GAD2: variants seen among roughly 807,000 people sequenced by gnomAD.
The protein encoded by GAD2 is glutamate decarboxylase 2.
GAD2 carries 22 observed loss-of-function variants against 80.1 expected under a neutral mutation model. The ratio of observed to expected loss-of-function variants is 0.27; its 90% CI spans 0.20 to 0.39. The LOEUF (loss-of-function observed/expected upper bound fraction) is 0.39. GAD2 is among the 10% of genes least tolerant of loss of function. The probability of loss-of-function intolerance (pLI) is 1.00; values close to 1 mark genes in which losing one functional copy is unlikely to be tolerated. For synonymous variants in GAD2, 274 were observed against 256.9 expected, an observed-to-expected ratio of 1.07 and a Z score of -0.64; for missense variants, 624 against 738.4, an observed-to-expected ratio of 0.85 and a Z score of 1.80.
At chr10:26,287,691 T>A (rs1397345922) in intron 13 of GAD2, among the ~76,000 whole-genome samples, 3 of 152,214 alleles carry the variant, frequency 2.0e-5, no homozygotes, top group Non-Finnish European at 2.9e-5. Flanking sequence ...TGACAGTTTT[T>A]GTTATCTGGT....
intron 12 of GAD2, among the ~76,000 whole-genome samples, chr10:26,284,564 C>CTGTTTTTTTTTTT (rs1845308254): frequency 1.1e-5 from 1 of 93,156 alleles, no homozygotes; most frequent in African/African-American, 3.9e-5. Flanking sequence ...GGCTGTTCAG[C>CTGTTTTTTTTTTT]TTTTTTTTTT....
chr10:26,303,074 G>C lies in GAD2; in HGVS notation c.*2113G>C, dbSNP rs564167872. ...GCTGTCCTTCGTGGAGAAGACAGTG[G>C]GGCCCAGTGCCCTGGTGAACCAACC... On this transcript the variant is annotated 3_prime_UTR_variant, in exon 16 of 16. Transcript: ENST00000376261. 1 of 152,300 alleles carries C rather than the reference G, an allele frequency of 6.6e-6. No homozygotes were observed. Among genetic ancestry groups the C allele is most frequent in the Admixed American group, 6.5e-5 (1 of 15,304 alleles). 9.4% of individuals were successfully genotyped at this position (152,300 alleles called of 1,614,324 possible). A position where few individuals can be genotyped will look rare whatever the true frequency, so the allele number is the denominator to read the frequency against.
chr10:26,276,784 T>C (rs1845212752), intron 11 of GAD2, among the ~76,000 whole-genome samples: 1 of 152,212 alleles, frequency 6.6e-6, no homozygotes, highest in African/African-American at 2.4e-5. Flanking sequence ...AGGCTTTAAG[T>C]CGCAGCTGAA....
chr10:26,261,004 T>A (rs1056587366), intron 8 of GAD2, among the ~76,000 whole-genome samples: 4 of 152,206 alleles, frequency 2.6e-5, no homozygotes, highest in African/African-American at 9.6e-5. Flanking sequence ...GAATAGGGTA[T>A]CCATCCCCTC....
chr10:26,283,662 A>C (rs868449290), intron 12 of GAD2, among the ~76,000 whole-genome samples: 1 of 152,244 alleles, frequency 6.6e-6, no homozygotes, highest in Non-Finnish European at 1.5e-5. Context: ...ATGGGGTTCC[A>C]TCAAGCTAGA....
chr10:26,296,335 GA>G (rs1294818606), intron 15 of GAD2, among the ~76,000 whole-genome samples: 6 of 152,202 alleles, frequency 3.9e-5, no homozygotes, highest in African/African-American at 1.4e-4. Context: ...CCAGAATAAG[GA>G]AGGGAAACAA....
chr10:26,258,210 G>A (rs1844967451), intron 8 of GAD2, among the ~76,000 whole-genome samples: 1 of 152,198 alleles, frequency 6.6e-6, no homozygotes, highest in African/African-American at 2.4e-5. Flanking sequence ...TGCTAACATA[G>A]TTTACAAACA....
chr10:26,274,299 G>A (rs901871064), intron 11 of GAD2, among the ~76,000 whole-genome samples: 1 of 152,142 alleles, frequency 6.6e-6, no homozygotes, highest in African/African-American at 2.4e-5. Flanking sequence ...TAGAGCCTAC[G>A]CAGAAGACTG....
intron 13 of GAD2, among the ~76,000 whole-genome samples, chr10:26,291,875 G>A (rs1834217142): frequency 6.6e-6 from 1 of 152,196 alleles, no homozygotes; most frequent in African/African-American, 2.4e-5. Flanking sequence ...TTACAGACAC[G>A]TGAGTCATTT....
Position 26,245,971 on chromosome 10 carries a change from C to T in GAD2, c.891C>T (p.Asp297=). ...CTGCAGCCTTAGGGATTGGAACAGA[C>T]AGCGTGATTCTGATTAAATGTGATG... ...KGAAALGIGT[D]SVILIKCDER... Residue 297 remains aspartate, a synonymous_variant, in exon 8 of 16, where the codon GAC becomes GAT. Transcript: ENST00000376261. 6.2e-7 allele frequency: 1 copy of T among 1,614,086 alleles called. No individual in the cohort carries two copies. The highest frequency in any genetic ancestry group is 1.3e-5 in the African/African-American group (1 of 75,042).
At chr10:26,222,586 G>A (rs1844466849) in intron 4 of GAD2, among the ~76,000 whole-genome samples, 1 of 152,044 alleles carries the variant, frequency 6.6e-6, no homozygotes, top group Non-Finnish European at 1.5e-5. Context: ...AAACTGAGGG[G>A]GTCAGCATCA....
intron 7 of GAD2, among the ~76,000 whole-genome samples, chr10:26,230,802 A>G (rs1844591687): frequency 6.6e-6 from 1 of 151,840 alleles, no homozygotes; most frequent in African/African-American, 2.4e-5. Context: ...AAGAAATAGC[A>G]CCGTACCAGG....
chr10:26,270,548 G>C, intron 9 of GAD2, 92 bp from the exon 10 acceptor site: 1 of 919,132 alleles, frequency 1.1e-6, no homozygotes, highest in Non-Finnish European at 1.8e-6. Context: ...AGACGTGTCT[G>C]TTAGGGAGAG....
chr10:26,239,281 G>T (rs1419801822), intron 7 of GAD2, among the ~76,000 whole-genome samples: 1 of 152,170 alleles, frequency 6.6e-6, no homozygotes, highest in Non-Finnish European at 1.5e-5. Flanking sequence ...TCTCTGTGTT[G>T]CTTCTTTCTT....
chr10:26,265,684 C>T (rs372883001), intron 8 of GAD2, among the ~76,000 whole-genome samples: 5 of 152,286 alleles, frequency 3.3e-5, no homozygotes, highest in East Asian at 1.9e-4. Context: ...AGCTTAAAGG[C>T]TGGATGTATA....
At chr10:26,260,641 A>G (rs774510066) in intron 8 of GAD2, among the ~76,000 whole-genome samples, 4 of 152,164 alleles carry the variant, frequency 2.6e-5, no homozygotes, top group Non-Finnish European at 5.9e-5. Flanking sequence ...AAAACAAAAA[A>G]AACTTTCCAG....
intron 8 of GAD2, among the ~76,000 whole-genome samples, chr10:26,262,064 T>C (rs566582719): frequency 2.0e-5 from 3 of 152,284 alleles, no homozygotes; most frequent in African/African-American, 7.2e-5. Context: ...TATAGGTTTC[T>C]CTGGGCTATC....
chr10:26,247,096 G>T (rs1254063270), intron 8 of GAD2, among the ~76,000 whole-genome samples: 2 of 152,208 alleles, frequency 1.3e-5, no homozygotes, highest in African/African-American at 2.4e-5. Context: ...AGGAATAAAA[G>T]AATGGCTACT....
intron 8 of GAD2, among the ~76,000 whole-genome samples, chr10:26,264,317 T>C (rs1157179677): frequency 1.3e-5 from 2 of 150,670 alleles, no homozygotes; most frequent in Non-Finnish European, 3.0e-5. Flanking sequence ...TCAAGCTTTT[T>C]TTTTTTTTTT....
Sources: gnomAD v4.1 joint callset for allele counts (sites outside exome capture counted in the v4.1 genomes callset) on GRCh38, gnomAD v4.1.1 for gene constraint, MANE v1.5 for transcripts, NCBI Gene and HGNC (gene_info 2026-07-23, HGNC 2026-07-21) for gene names.